Variants in ZNF438 observed in about 807,000 individuals in gnomAD.
ZNF438 encodes the protein zinc finger protein 438.
In ZNF438, 25 loss-of-function variants were observed where a neutral mutation model predicts 38.0. That is an observed-to-expected ratio of 0.66 (90% CI 0.48 to 0.92). The LOEUF is 0.92. Among genes scored for constraint, ZNF438 ranks in the 40% least tolerant of loss-of-function variants. The pLI, the probability that ZNF438 is intolerant of heterozygous loss-of-function variation, is 0.00. For missense variants in ZNF438, 1,007 were observed against 999.6 expected (o/e 1.01, Z -0.10); for synonymous variants, 372 against 364.1 (o/e 1.02, Z -0.25).
At chr10:31,026,649 T>C (rs2056962735) in intron 1 of ZNF438, among the ~76,000 whole-genome samples, 1 of 152,166 alleles carries the variant, frequency 6.6e-6, no homozygotes, top group South Asian at 2.1e-4. Context: ...GGTGGGACTG[T>C]AAACTAGTTC....
intron 1 of ZNF438, among the ~76,000 whole-genome samples, chr10:30,964,795 T>G (rs1435454508): frequency 1.3e-5 from 2 of 152,120 alleles, no homozygotes; most frequent in African/African-American, 4.8e-5. Context: ...ACAGGAAGGA[T>G]GTAGACATGC....
At chr10:30,932,694 A>G (rs2045826097) in intron 2 of ZNF438, among the ~76,000 whole-genome samples, 1 of 152,194 alleles carries the variant, frequency 6.6e-6, no homozygotes, top group Non-Finnish European at 1.5e-5. Context: ...TGACCCCAAA[A>G]TGATATGTTG....
intron 4 of ZNF438, among the ~76,000 whole-genome samples, chr10:30,857,418 C>A (rs1251781773): frequency 6.6e-6 from 1 of 152,038 alleles, no homozygotes; most frequent in Non-Finnish European, 1.5e-5. Flanking sequence ...CCATGCCCAG[C>A]TAATTTTTCT....
chr10:30,968,712 G>A (rs898678497), intron 1 of ZNF438, among the ~76,000 whole-genome samples: 1 of 151,966 alleles, frequency 6.6e-6, no homozygotes, highest in Non-Finnish European at 1.5e-5. Context: ...AAAGTGCTGG[G>A]ATTACAGGCG....
At chr10:31,001,888 T>A (rs949498858) in intron 1 of ZNF438, among the ~76,000 whole-genome samples, 3 of 152,210 alleles carry the variant, frequency 2.0e-5, no homozygotes, top group African/African-American at 7.2e-5. Context: ...AGGGACTGAT[T>A]CATACACCCA....
intron 3 of ZNF438, among the ~76,000 whole-genome samples, chr10:30,882,425 T>C (rs1040384496): frequency 2.0e-5 from 3 of 152,228 alleles, no homozygotes; most frequent in African/African-American, 7.2e-5. Context: ...TCACAGCAGC[T>C]ATATTTGTAG....
rs190518047 is a variant in ZNF438 at position 31,000,287 on chromosome 10, C to T, written c.-192+31546G>A. ...GCGGAGTCTCACACCCACGTTATCT[C>T]GTCCTTGTTAATTATTCACTGGACC... On this transcript the variant is annotated intron_variant, in intron 1 of 5. Transcript: ENST00000413025. Among the ~76,000 whole-genome samples, 403 of 152,342 alleles carry T rather than the reference C, an allele frequency of 2.6e-3. 1 individual carries two copies. Among genetic ancestry groups the T allele is most frequent in the African/African-American group, 9.4e-3 (392 of 41,562 alleles).
intron 1 of ZNF438, among the ~76,000 whole-genome samples, chr10:30,995,776 GAA>G (rs1025478522): frequency 1.2e-4 from 19 of 152,220 alleles, no homozygotes; most frequent in Admixed American, 5.2e-4. Context: ...TCGGGAGTAA[GAA>G]AATGACCCCA....
chr10:30,989,641 G>C (rs755681796), intron 1 of ZNF438, among the ~76,000 whole-genome samples: 2 of 152,180 alleles, frequency 1.3e-5, no homozygotes, highest in Non-Finnish European at 2.9e-5. Context: ...AAGGGGGCGA[G>C]AATGTATGCA....
intron 3 of ZNF438, among the ~76,000 whole-genome samples, chr10:30,907,398 TCTC>T (rs2042686264): frequency 6.6e-6 from 1 of 152,218 alleles, no homozygotes; most frequent in African/African-American, 2.4e-5. Flanking sequence ...GGAAGTATTC[TCTC>T]CTCTTGTATT....
At chr10:30,922,389 G>A (rs992395863) in intron 2 of ZNF438, among the ~76,000 whole-genome samples, 4 of 152,162 alleles carry the variant, frequency 2.6e-5, no homozygotes, top group Non-Finnish European at 5.9e-5. Flanking sequence ...GACTTTTACT[G>A]ACAGAAGGAT....
chr10:30,849,037 T>C, exon 5 of ZNF438: 1 of 1,614,182 alleles, frequency 6.2e-7, no homozygotes, highest in Non-Finnish European at 8.5e-7. Context: ...TCTGGGACTG[T>C]AGTGTAGTTG....
intron 4 of ZNF438, among the ~76,000 whole-genome samples, chr10:30,875,990 A>C: frequency 6.6e-6 from 1 of 152,238 alleles, no homozygotes; most frequent in East Asian, 1.9e-4. Flanking sequence ...TATTTCCTTT[A>C]GTCTCCACAT....
At chr10:31,013,446 T>C (rs2133130248) in intron 1 of ZNF438, among the ~76,000 whole-genome samples, 1 of 151,906 alleles carries the variant, frequency 6.6e-6, no homozygotes, top group South Asian at 2.1e-4. Flanking sequence ...CAGATTCAAT[T>C]CCAAACGTCC....
At chr10:31,008,458 C>A (rs1338245539) in intron 1 of ZNF438, among the ~76,000 whole-genome samples, 1 of 152,206 alleles carries the variant, frequency 6.6e-6, no homozygotes, top group Non-Finnish European at 1.5e-5. Flanking sequence ...TCCTCTAACC[C>A]TCTCAGCTCA....
chr10:30,901,884 T>A (rs2042034036), intron 3 of ZNF438, among the ~76,000 whole-genome samples: 1 of 152,150 alleles, frequency 6.6e-6, no homozygotes, highest in Non-Finnish European at 1.5e-5. Flanking sequence ...GGGTTCATGA[T>A]CTTGCTGGCT....
At chr10:30,945,388 C>CTTTTTTTTT (rs61149961) in intron 1 of ZNF438, among the ~76,000 whole-genome samples, 3 of 141,116 alleles carry the variant, frequency 2.1e-5, no homozygotes. Flanking sequence ...GATTCTTTTA[C>CTTTTTTTTT]TTTTTTTTTT....
At chr10:30,925,857 T>A (rs939951018) in intron 2 of ZNF438, among the ~76,000 whole-genome samples, 5 of 152,200 alleles carry the variant, frequency 3.3e-5, no homozygotes, top group Admixed American at 2.0e-4. Context: ...GCACTTTAAC[T>A]GGATTTAAGC....
intron 4 of ZNF438, among the ~76,000 whole-genome samples, chr10:30,853,381 G>A (rs1178463604): frequency 6.6e-6 from 1 of 152,130 alleles, no homozygotes; most frequent in East Asian, 1.9e-4. Context: ...TGGCTTAAAA[G>A]GCCTCATGCT....
Sources: gnomAD v4.1 joint callset for allele counts (sites outside exome capture counted in the v4.1 genomes callset) on GRCh38, gnomAD v4.1.1 for gene constraint, MANE v1.5 for transcripts, NCBI Gene and HGNC (gene_info 2026-07-23, HGNC 2026-07-21) for gene names.